The following CAMTA1 variants were observed in gnomAD, a reference collection of about 807,000 sequenced individuals.
CAMTA1 encodes calmodulin-binding transcription activator 1.
Under a neutral mutation model 170.9 loss-of-function variants are expected in CAMTA1, and 27 were observed. The observed-to-expected ratio is 0.16, with a 90% CI of 0.12 to 0.22. CAMTA1 has a LOEUF of 0.22. Among genes scored for constraint, CAMTA1 ranks in the 10% least tolerant of loss-of-function variants. The pLI is 1.00. For synonymous variants in CAMTA1, 833 were observed against 891.5 expected, an observed-to-expected ratio of 0.93 and a Z score of 1.17; for missense variants, 1,619 against 2,217.2, an observed-to-expected ratio of 0.73 and a Z score of 5.42.
chr1:7,464,612 G>A (rs1259634084), intron 5 of CAMTA1, among the ~76,000 whole-genome samples: 1 of 152,114 alleles, frequency 6.6e-6, no homozygotes, highest in East Asian at 1.9e-4. Context: ...GAAGGGGAGA[G>A]GGAATCTCCT....
intron 1 of CAMTA1, among the ~76,000 whole-genome samples, chr1:6,802,566 C>T (rs1189734659): frequency 6.6e-6 from 1 of 152,188 alleles, no homozygotes; most frequent in African/African-American, 2.4e-5. Flanking sequence ...AAGATATTGA[C>T]TCCTAAAGGA....
Position 7,285,027 on chromosome 1 carries a change from G to A in CAMTA1, c.438+35401G>A, listed in dbSNP as rs528740924. On this transcript the variant is annotated intron_variant, in intron 5 of 22. Coordinates refer to ENST00000303635, the MANE Select transcript of CAMTA1 (RefSeq NM_015215.4). Reference sequence around the variant, plus strand: ...ATTGGTTTCCAAGACCCTCCCACAGGGTGCTTGGTGGCCTCTGGTGGCTGG... The same window carrying A: ...ATTGGTTTCCAAGACCCTCCCACAGAGTGCTTGGTGGCCTCTGGTGGCTGG... 2.0e-5 allele frequency among the ~76,000 whole-genome samples: 3 copies of A among 152,296 alleles called. No homozygotes were observed. The East Asian group carries it at 5.8e-4, about 29-fold the overall frequency.
intron 21 of CAMTA1, among the ~76,000 whole-genome samples, chr1:7,752,780 A>C (rs4908480): frequency 0.25 from 38,188 of 152,006 alleles, 5,331 homozygotes; most frequent in African/African-American, 0.34. Context: ...TTTCTGTTTT[A>C]ATTTGGGTGT....
At chr1:7,177,471 C>CG (rs1275200257) in intron 4 of CAMTA1, among the ~76,000 whole-genome samples, 1 of 97,420 alleles carries the variant, frequency 1.0e-5, no homozygotes, top group Non-Finnish European at 2.4e-5. Context: ...CACCCTGAGG[C>CG]CCCCCCACAC....
intron 3 of CAMTA1, among the ~76,000 whole-genome samples, chr1:7,013,492 C>T (rs1371637678): frequency 9.9e-5 from 15 of 152,266 alleles, no homozygotes; most frequent in Admixed American, 3.3e-4. Context: ...GGATTACAGG[C>T]GTGAGCCACC....
chr1:7,536,254 T>C (rs1055073709), intron 6 of CAMTA1, among the ~76,000 whole-genome samples: 2 of 152,212 alleles, frequency 1.3e-5, no homozygotes, highest in Admixed American at 1.3e-4. Flanking sequence ...GAGGGGCAGA[T>C]AGTTGGAGAT....
chr1:6,823,656 T>C (rs1048039934), intron 2 of CAMTA1, among the ~76,000 whole-genome samples: 2 of 152,162 alleles, frequency 1.3e-5, no homozygotes, highest in African/African-American at 4.8e-5. Flanking sequence ...TTAAGATCTT[T>C]TCCTTGAGAA....
intron 3 of CAMTA1, among the ~76,000 whole-genome samples, chr1:6,937,669 CATCACCATCACT>C (rs1685671697): frequency 1.3e-5 from 2 of 151,590 alleles, no homozygotes; most frequent in African/African-American, 4.9e-5. Flanking sequence ...TCACCATCAT[CATCACCATCACT>C]ATCACCATCA....
rs374568327 is a variant in CAMTA1, at chr1:6,998,203, G to A, written c.235-93101G>A. On this transcript the variant is annotated intron_variant, in intron 3 of 22. Coordinates refer to ENST00000303635, the MANE Select transcript of CAMTA1 (RefSeq NM_015215.4). ...AGTGATTCTCCTACCTCAGCCTCCC[G>A]AGTAGCTGGGACTACAGGTGCGTGC... Among the ~76,000 whole-genome samples, 12 of 152,068 alleles carry A rather than the reference G, an allele frequency of 7.9e-5. No individual in the cohort carries two copies. In the South Asian group the frequency reaches 2.1e-3, roughly 26 times the overall value.
At chr1:6,978,282 C>T (rs775056011) in intron 3 of CAMTA1, among the ~76,000 whole-genome samples, 28 of 152,048 alleles carry the variant, frequency 1.8e-4, no homozygotes, top group Admixed American at 3.9e-4. Flanking sequence ...CCTCATTCTC[C>T]GTGATGTGAT....
intron 5 of CAMTA1, among the ~76,000 whole-genome samples, chr1:7,276,289 A>ATTTTTTT (rs1393755906): frequency 3.7e-5 from 2 of 53,538 alleles, no homozygotes; most frequent in Non-Finnish European, 2.9e-5. Context: ...ATATATATAT[A>ATTTTTTT]TATATATATA....
Position 7,234,808 on chromosome 1 carries a change from A to G in CAMTA1, c.303-14683A>G, listed in dbSNP as rs556722950. On this transcript the variant is annotated intron_variant, in intron 4 of 22. Transcript: ENST00000303635. This position sits in a 1 kb window ranked among gnomAD's most constrained non-coding sequence, Gnocchi z 5.0. ...TTGACCTTTTTTTTTTTTTTTTTAG[A>G]TAGAGTCTCACTTTGTCACCCAGGC... Among the ~76,000 whole-genome samples, 1 of 128,830 alleles carries G rather than the reference A, an allele frequency of 7.8e-6. No homozygotes were observed. The highest frequency in any genetic ancestry group is 3.0e-5 in the African/African-American group (1 of 32,834). The allele number at this position is 128,830 out of a possible 152,430, so 84.5% of individuals were successfully genotyped here. A position where few individuals can be genotyped will look rare whatever the true frequency, so the allele number is the denominator to read the frequency against.
intron 4 of CAMTA1, among the ~76,000 whole-genome samples, chr1:7,204,830 C>CTTTTTTTTT (rs367812076): frequency 1.0e-3 from 88 of 86,814 alleles, no homozygotes; most frequent in Non-Finnish European, 1.5e-3. Context: ...TTCTTTTTTT[C>CTTTTTTTTT]TTTTTTTTTT....
intron 3 of CAMTA1, among the ~76,000 whole-genome samples, chr1:6,893,675 G>A (rs1675037779): frequency 6.6e-6 from 1 of 152,196 alleles, no homozygotes; most frequent in Admixed American, 6.5e-5. Flanking sequence ...GAGACTAGGT[G>A]TGGTTCTTGG....
rs1158482051 is a variant in CAMTA1, at chr1:7,093,454, C to T, written c.302+2083C>T. Among the ~76,000 whole-genome samples, 2 of 152,148 alleles carry T rather than the reference C, an allele frequency of 1.3e-5. No homozygotes were observed. The highest frequency in any genetic ancestry group is 4.8e-5 in the African/African-American group (2 of 41,440). On this transcript the variant is annotated intron_variant, in intron 4 of 22. Coordinates refer to ENST00000303635, the MANE Select transcript of CAMTA1 (RefSeq NM_015215.4). This position sits in a 1 kb window ranked among gnomAD's most constrained non-coding sequence, Gnocchi z 4.6. ...GCGCCCTTCACTCTCCGCTGAAACACTCCTTGAATCTAAGTGGAAAGAGAA... is the reference window on the plus strand; with the variant it reads ...GCGCCCTTCACTCTCCGCTGAAACATTCCTTGAATCTAAGTGGAAAGAGAA...
chr1:7,180,926 C>T (rs1652020331), intron 4 of CAMTA1, among the ~76,000 whole-genome samples: 1 of 152,188 alleles, frequency 6.6e-6, no homozygotes, highest in African/African-American at 2.4e-5. Flanking sequence ...ACACCTGAAT[C>T]TGAAAAGGCA....
chr1:7,523,979 G>T (rs2094400004), intron 6 of CAMTA1, among the ~76,000 whole-genome samples: 1 of 152,132 alleles, frequency 6.6e-6, no homozygotes, highest in South Asian at 2.1e-4. Context: ...GAGGCGGGTG[G>T]ATCACAAGGT....
At chr1:7,415,809 T>C (rs1253870272) in intron 5 of CAMTA1, among the ~76,000 whole-genome samples, 1 of 152,236 alleles carries the variant, frequency 6.6e-6, no homozygotes, top group Admixed American at 6.5e-5. Flanking sequence ...ATTATGATGT[T>C]AGCTGGTTAT....
chr1:7,067,984 T>C lies in CAMTA1; in HGVS notation c.235-23320T>C, dbSNP rs1289555046. On this transcript the variant is annotated intron_variant, in intron 3 of 22. Coordinates refer to ENST00000303635, the MANE Select transcript of CAMTA1 (RefSeq NM_015215.4). The surrounding 1 kb of genome is among the most constrained non-coding windows in gnomAD (Gnocchi z 4.3). ...AAATGTGATGGTTATGGGAGGCCGC[T>C]ATGGTCACCTTGCAGCCATGTGGGT... 6.6e-6 allele frequency among the ~76,000 whole-genome samples: 1 copy of C among 152,240 alleles called. No homozygotes were observed. The highest frequency in any genetic ancestry group is 1.5e-5 in the Non-Finnish European group (1 of 68,046).
Sources: allele counts gnomAD v4.1 joint callset (sites outside exome capture counted in the v4.1 genomes callset), GRCh38; gene constraint gnomAD v4.1.1; non-coding constraint Gnocchi (gnomAD v3.1); transcripts MANE v1.5; gene names NCBI Gene and HGNC (gene_info 2026-07-23, HGNC 2026-07-21).